Variants in NBPF11 observed in about 807,000 individuals in gnomAD.
NBPF11 encodes the protein NBPF family member NBPF11.
A neutral mutation model predicts 93.9 loss-of-function variants in NBPF11; 72 were observed. That is an observed-to-expected ratio of 0.77 (90% CI 0.63 to 0.93). The LOEUF (loss-of-function observed/expected upper bound fraction) is 0.93. Among genes scored for constraint, NBPF11 ranks in the 40% least tolerant of loss-of-function variants. The pLI, the probability that NBPF11 is intolerant of heterozygous loss-of-function variation, is 0.00. For missense variants in NBPF11, 705 were observed against 802.2 expected, an observed-to-expected ratio of 0.88 and a Z score of 1.46; for synonymous variants, 224 against 304.9, an observed-to-expected ratio of 0.73 and a Z score of 2.76.
intron 7 of NBPF11, among the ~76,000 whole-genome samples, chr1:148,123,540 C>T (rs1242408340): frequency 1.3e-5 from 2 of 151,536 alleles, no homozygotes; most frequent in East Asian, 1.9e-4. Flanking sequence ...CATTCTTAGC[C>T]CAGAGCTCTT....
intron 1 of NBPF11, among the ~76,000 whole-genome samples, chr1:148,150,644 GT>G (rs1280321034): frequency 6.6e-6 from 1 of 151,606 alleles, no homozygotes; most frequent in Non-Finnish European, 1.5e-5. Flanking sequence ...CCTTAACTTC[GT>G]GAAGCACTGG....
intron 18 of NBPF11, among the ~76,000 whole-genome samples, 162 bp from the exon 19 acceptor site, chr1:148,107,924 G>C (rs1333380128): frequency 2.0e-5 from 3 of 151,916 alleles, no homozygotes; most frequent in Non-Finnish European, 4.4e-5. Context: ...TCATGATAGA[G>C]ATTCCTTGGT....
chr1:148,108,488 T>C lies in NBPF11; in HGVS notation c.2020A>G (p.Met674Val). Residue 674 changes from methionine to valine, a missense_variant, in exon 18 of 24, where the codon ATG becomes GTG. By Grantham distance (21) the Met-to-Val change is conservative (BLOSUM62 1). Transcript: ENST00000682118. ...EQQRIGLAVD[M>V]DEIEKYQEVE... ...TTCATAGAAAGGTACTCACCATCCA[T>C]GTCAACAGCCAAGCCAATACGCTGT... 1.3e-6 allele frequency: 2 copies of C among 1,561,598 alleles called. No homozygotes were observed. Among genetic ancestry groups the C allele is most frequent in the Non-Finnish European group, 1.8e-6 (2 of 1,136,112 alleles).
At position 148,141,601 on chromosome 1, in the gene NBPF11, C is replaced by T. The variant is rs1235980225; in HGVS notation, c.-277+1814G>A. The stretch of plus-strand genomic sequence containing the variant: ...GTCAGAGCAGTTGGAGATTTCAATG[C>T]CTATGCCATTTACCTCTAACCCTGG... On this transcript the variant is annotated intron_variant, in intron 2 of 23. Coordinates refer to ENST00000682118, the MANE Select transcript of NBPF11 (RefSeq NM_001385469.3). Among the ~76,000 whole-genome samples the T allele has an allele frequency of 3.9e-5, 6 of 151,944 alleles. No homozygotes were observed. The East Asian group carries it at 9.7e-4, about 25-fold the overall frequency.
chr1:148,119,870 G>A (rs1377009765), intron 10 of NBPF11, among the ~76,000 whole-genome samples: 4 of 152,024 alleles, frequency 2.6e-5, no homozygotes, highest in East Asian at 1.9e-4. Flanking sequence ...TGCCCAGGCT[G>A]GTCTCAAACT....
chr1:148,146,895 C>T lies in NBPF11; in HGVS notation c.-548-3209G>A, dbSNP rs1242261108. 22 of 1,613,286 alleles carry T rather than the reference C, an allele frequency of 1.4e-5. 1 individual carries two copies. The highest frequency in any genetic ancestry group is 6.7e-5 in the Admixed American group (4 of 59,976). ...AGAGGAACCTCTATGCCGACATCGACGCCACCTGGCAGGCCCTGCGCACCA... is the reference window on the plus strand; with the variant it reads ...AGAGGAACCTCTATGCCGACATCGATGCCACCTGGCAGGCCCTGCGCACCA... On this transcript the variant is annotated intron_variant, in intron 1 of 23. Coordinates refer to ENST00000682118, the MANE Select transcript of NBPF11 (RefSeq NM_001385469.3).
In NBPF11 at chr1:148,110,408, G is replaced by C. The variant is rs1156896365; in HGVS notation, c.1771C>G (p.Gln591Glu). ...YSSTFHSLEEQQVCMAVDIGR... is the reference protein window; with the variant it reads ...YSSTFHSLEEEQVCMAVDIGR... ...ATGTCAACAGCCATGCAGACTTGCT[G>C]TTCCTCTAATGAGTGAAATGTGCTG... Residue 591 changes from glutamine to glutamate, a missense_variant, in exon 16 of 24, where the codon CAG (glutamine) becomes GAG (glutamate). Physicochemically the swap from Gln to Glu is conservative, Grantham distance 29 (BLOSUM62 2). Around this residue, in one of 12 missense-constraint regions of NBPF11, gnomAD observed 19 missense variants for 16.3 expected, o/e 1.17. Transcript: ENST00000682118. The C allele has an allele frequency of 6.3e-7, 1 of 1,593,890 alleles. No individual in the cohort carries two copies. Among genetic ancestry groups the C allele is most frequent in the South Asian group, 1.1e-5 (1 of 90,624 alleles).
At position 148,124,885 on chromosome 1, in the gene NBPF11, C is replaced by T. The variant is rs587650816; in HGVS notation, c.278+14G>A. On this transcript the variant is annotated intron_variant, in intron 6 of 23. Transcript: ENST00000682118. ...ACACCTACCTGCCTGTCTCCCCCTA[C>T]GGGGTCCCCTCACCTGAGCTCCTCA... The T allele has an allele frequency of 5.7e-4, 909 of 1,607,918 alleles. 5 individuals are homozygous for T. Among genetic ancestry groups the T allele is most frequent in the African/African-American group, 4.4e-3 (329 of 74,866 alleles).
At chr1:148,144,041 A>G (rs1173101678) in intron 1 of NBPF11, among the ~76,000 whole-genome samples, 1 of 151,708 alleles carries the variant, frequency 6.6e-6, no homozygotes, top group African/African-American at 2.4e-5. Flanking sequence ...TGGGGGGAAA[A>G]AAATAGAGTT....
chr1:148,151,553 G>A (rs1648333546), intron 1 of NBPF11, among the ~76,000 whole-genome samples, 197 bp downstream of exon 1: 1 of 152,030 alleles, frequency 6.6e-6, no homozygotes, highest in South Asian at 2.1e-4. Flanking sequence ...GAGGGCTGCG[G>A]GCTGCAGCGG....
Position 148,110,411 on chromosome 1 carries a change from C to T in NBPF11, c.1768G>A (p.Glu590Lys). The T allele has an allele frequency of 1.3e-6, 2 of 1,593,686 alleles. No individual in the cohort carries two copies. Among genetic ancestry groups the T allele is most frequent in the Non-Finnish European group, 1.7e-6 (2 of 1,165,212 alleles). ...TCAACAGCCATGCAGACTTGCTGTTCCTCTAATGAGTGAAATGTGCTGCTG... is the reference window on the plus strand; with the variant it reads ...TCAACAGCCATGCAGACTTGCTGTTTCTCTAATGAGTGAAATGTGCTGCTG... ...SYSSTFHSLEEQQVCMAVDIG... is the reference protein window; with the variant it reads ...SYSSTFHSLEKQQVCMAVDIG... The change falls in exon 16 of 24, where the codon GAA becomes AAA. Residue 590 changes from glutamate to lysine, a missense_variant. Transcript: ENST00000682118.
chr1:148,106,113 C>G (rs1663541750), intron 21 of NBPF11, 68 bp downstream of exon 21: 3 of 621,688 alleles, frequency 4.8e-6, no homozygotes, highest in Non-Finnish European at 8.5e-6. Flanking sequence ...TCAGCCCGCT[C>G]TGTTTTCCCT....
chr1:148,112,134 A>G (rs1665429226), intron 15 of NBPF11, among the ~76,000 whole-genome samples: 2 of 136,266 alleles, frequency 1.5e-5, no homozygotes, highest in South Asian at 2.2e-4. Context: ...GTTTTCCTTT[A>G]TTATTTTTTG....
In NBPF11 at chr1:148,116,479, T is replaced by C. The variant is rs1666577985; in HGVS notation, c.1363A>G (p.Lys455Glu). The C allele has an allele frequency of 2.7e-6, 2 of 748,152 alleles. No homozygotes were observed. 46.3% of individuals were successfully genotyped at this position (748,152 alleles called of 1,614,324 possible). ...CAGTGTTACCTGGGGGAAGACGATT[T>C]CTGCACTTTCTCAGCCACCTCAACT... is the stretch of plus-strand genomic sequence containing the variant. ...VQVEVAEKVQ[K>E]SSSPREMQKA... Residue 455 changes from lysine to glutamate, a missense_variant, in exon 13 of 24, where the codon AAA (lysine) becomes GAA (glutamate). Physicochemically the swap from Lys to Glu is moderately conservative, Grantham distance 56. Transcript: ENST00000682118.
intron 2 of NBPF11, among the ~76,000 whole-genome samples, chr1:148,142,775 G>A (rs1672407475): frequency 6.6e-6 from 1 of 151,796 alleles, no homozygotes; most frequent in Admixed American, 6.6e-5. Flanking sequence ...AGTGAAAGAA[G>A]GCGTCCACCA....
At chr1:148,121,667 T>C (rs1667896858) in intron 9 of NBPF11, among the ~76,000 whole-genome samples, 1 of 151,806 alleles carries the variant, frequency 6.6e-6, no homozygotes, top group Admixed American at 6.5e-5. Flanking sequence ...GACTTATTAA[T>C]AGCTAAGACA....
chr1:148,112,975 A>C lies in NBPF11; in HGVS notation c.1637+1462T>G, dbSNP rs1306775416. On this transcript the variant is annotated intron_variant, in intron 15 of 23. Transcript: ENST00000682118. The stretch of plus-strand genomic sequence containing the variant: ...AAAAGAGCTCCTAAAGGAAGCACTA[A>C]ACATGGAAAGGAACAACCGGTACCA... Among the ~76,000 whole-genome samples, 5 of 151,932 alleles carry C rather than the reference A, an allele frequency of 3.3e-5. 1 individual carries two copies. Among genetic ancestry groups the C allele is most frequent in the African/African-American group, 1.2e-4 (5 of 41,202 alleles).
chr1:148,105,646 T>C, intron 21 of NBPF11, 118 bp from the exon 22 acceptor site: 1 of 657,868 alleles, frequency 1.5e-6, no homozygotes, highest in Non-Finnish European at 2.7e-6. Flanking sequence ...ATAGATCTAT[T>C]AATGAGGTAA....
chr1:148,119,330 A>G (rs1162556435), intron 10 of NBPF11, among the ~76,000 whole-genome samples: 1 of 151,818 alleles, frequency 6.6e-6, no homozygotes, highest in African/African-American at 2.4e-5. Flanking sequence ...CAGAATGAAG[A>G]ACTAATAGAT....
Sources: gnomAD v4.1 joint callset for allele counts (sites outside exome capture counted in the v4.1 genomes callset) on GRCh38, gnomAD v4.1.1 for gene constraint, gnomAD v4.1.1 regional missense constraint, MANE v1.5 for transcripts, NCBI Gene and HGNC (gene_info 2026-07-23, HGNC 2026-07-21) for gene names.